PCDHA8: variants seen among roughly 807,000 people sequenced by gnomAD.
PCDHA8 encodes protocadherin alpha-8.
PCDHA8 carries 53 observed loss-of-function variants against 61.8 expected under a neutral mutation model. The observed-to-expected ratio is 0.86, with a 90% CI of 0.69 to 1.08. PCDHA8 has a LOEUF of 1.08. Ranked by LOEUF, PCDHA8 falls within the 50% of genes least tolerant of loss-of-function variation. The pLI, the probability that PCDHA8 is intolerant of heterozygous loss-of-function variation, is 0.00. For synonymous variants in PCDHA8, 618 were observed against 556.6 expected, an observed-to-expected ratio of 1.11 and a Z score of -1.55; for missense variants, 1,293 against 1,245.0, an observed-to-expected ratio of 1.04 and a Z score of -0.58.
chr5:140,848,205 T>C (rs1781374439), intron 1 of PCDHA8: 1 of 336,638 alleles, frequency 3.0e-6, no homozygotes, highest in Non-Finnish European at 5.4e-6. Flanking sequence ...CAACAATCAT[T>C]ACTTAAGAAA....
At chr5:140,850,528 C>T (rs1228882569) in intron 1 of PCDHA8, 1 of 1,598,306 alleles carries the variant, frequency 6.3e-7, no homozygotes, top group African/African-American at 1.3e-5. Context: ...GCGCCAAAGT[C>T]ATCGTCGCGG....
intron 1 of PCDHA8, chr5:140,882,945 T>C (rs1554176195): frequency 6.2e-7 from 1 of 1,614,194 alleles, no homozygotes; most frequent in Non-Finnish European, 8.5e-7. Flanking sequence ...ACTGGCACAG[T>C]TCAGCTGCTC....
intron 1 of PCDHA8, among the ~76,000 whole-genome samples, chr5:140,915,767 C>T (rs1554197085): frequency 6.6e-6 from 1 of 151,976 alleles, no homozygotes; most frequent in Non-Finnish European, 1.5e-5. Context: ...TGGGTCTTGT[C>T]CAAGGCCTGC....
rs142150910 is a variant in PCDHA8, at chr5:140,945,405, C to T, written c.2395-33544C>T. ...AGCAATATACAAATTCAATACAATTCGTATCAAAATTTCAATGAAGTTTTT... is the reference window on the plus strand; with the variant it reads ...AGCAATATACAAATTCAATACAATTTGTATCAAAATTTCAATGAAGTTTTT... On this transcript the variant is annotated intron_variant, in intron 1 of 3. Transcript: ENST00000531613. Among the ~76,000 whole-genome samples, 454 of 152,016 alleles carry T rather than the reference C, an allele frequency of 3.0e-3. 3 individuals are homozygous for T. Among genetic ancestry groups the T allele is most frequent in the African/African-American group, 9.6e-3 (400 of 41,488 alleles).
intron 3 of PCDHA8, among the ~76,000 whole-genome samples, chr5:141,008,176 C>T (rs2098363819): frequency 6.6e-6 from 1 of 152,032 alleles, no homozygotes; most frequent in East Asian, 1.9e-4. Context: ...AAAATGTGAC[C>T]ATTGATTGTG....
At chr5:140,927,412 G>T (rs781968521) in intron 1 of PCDHA8, 1 of 1,614,122 alleles carries the variant, frequency 6.2e-7, no homozygotes, top group East Asian at 2.2e-5. Flanking sequence ...CCTGGACATG[G>T]GATCGCGGGT....
chr5:140,852,121 TA>T, intron 1 of PCDHA8: 1 of 901,518 alleles, frequency 1.1e-6, no homozygotes, highest in Non-Finnish European at 1.4e-6. Context: ...ATGACCTAAT[TA>T]AAAACTCAGT....
At position 140,852,910 on chromosome 5, in the gene PCDHA8, G is replaced by A. The variant is rs2150524838; in HGVS notation, c.2394+9195G>A. On this transcript the variant is annotated intron_variant, in intron 1 of 3. Transcript: ENST00000531613. The stretch of plus-strand genomic sequence containing the variant: ...ATTTTTTTTTTTGAGTCAGAGTCTC[G>A]CTCTGTTGCCCAGGCTGGAGTGCAG... 89 of 797,098 alleles carry A rather than the reference G, an allele frequency of 1.1e-4. 6 individuals carry two copies. Among genetic ancestry groups the A allele is most frequent in the Non-Finnish European group, 1.3e-4 (84 of 645,392 alleles). The allele number at this position is 797,098 out of a possible 1,614,324, so 49.4% of individuals were successfully genotyped here. A position where few individuals can be genotyped will look rare whatever the true frequency, so the allele number is the denominator to read the frequency against.
At position 141,010,020 on chromosome 5, in the gene PCDHA8, TTCCTA is replaced by T. The variant is rs1554262638; in HGVS notation, c.*86_*90del. 6.4e-7 allele frequency: 1 copy of T among 1,572,330 alleles called. No individual in the cohort carries two copies. Among genetic ancestry groups the T allele is most frequent in the Non-Finnish European group, 8.6e-7 (1 of 1,163,268 alleles). On this transcript the variant is annotated 3_prime_UTR_variant, in exon 4 of 4. Coordinates refer to ENST00000531613, the MANE Select transcript of PCDHA8 (RefSeq NM_018911.3). ...CCATGTAGCAATTCCCTGCTCCTTT[TTCCTA>T]TCTACATGAGCCCTCTTAGAGACCT...
At chr5:140,846,541 A>AT (rs1226302144) in intron 1 of PCDHA8, among the ~76,000 whole-genome samples, 1 of 147,480 alleles carries the variant, frequency 6.8e-6, no homozygotes, top group Non-Finnish European at 1.5e-5. Flanking sequence ...TGCCCTGCTA[A>AT]TTTTTTGTAT....
chr5:140,905,368 T>G (rs536118800), intron 1 of PCDHA8, among the ~76,000 whole-genome samples: 47 of 152,336 alleles, frequency 3.1e-4, no homozygotes, highest in Non-Finnish European at 4.6e-4. Flanking sequence ...TATTTCTGGT[T>G]CTCTGTTCTG....
chr5:140,959,835 C>T (rs1554224346), intron 1 of PCDHA8, among the ~76,000 whole-genome samples: 2 of 152,042 alleles, frequency 1.3e-5, no homozygotes, highest in East Asian at 1.9e-4. Flanking sequence ...ATGTATTATG[C>T]CTGTAACTGC....
chr5:140,874,607 T>C (rs534439802), intron 1 of PCDHA8, among the ~76,000 whole-genome samples: 1 of 152,226 alleles, frequency 6.6e-6, no homozygotes, highest in Non-Finnish European at 1.5e-5. Context: ...TTTGGAGGCT[T>C]CAACTAAACA....
chr5:140,870,592 C>A (rs202164332), intron 1 of PCDHA8: 2 of 1,613,554 alleles, frequency 1.2e-6, no homozygotes, highest in African/African-American at 1.3e-5. Context: ...GGTGGAGCGG[C>A]GGTTGGGCGA....
intron 3 of PCDHA8, among the ~76,000 whole-genome samples, chr5:141,008,590 T>G (rs1259352249): frequency 6.6e-6 from 1 of 152,216 alleles, no homozygotes; most frequent in Non-Finnish European, 1.5e-5. Context: ...CAGGGCAGAT[T>G]TCACCTCCTC....
chr5:140,928,998 CGT>C, intron 1 of PCDHA8: 1 of 1,613,902 alleles, frequency 6.2e-7, no homozygotes. Flanking sequence ...TACTTTTCTT[CGT>C]GTGTACCAAG....
chr5:140,943,357 A>G (rs974685573), intron 1 of PCDHA8, among the ~76,000 whole-genome samples: 3 of 152,026 alleles, frequency 2.0e-5, no homozygotes, highest in Non-Finnish European at 4.4e-5. Flanking sequence ...AGTAGAGGAA[A>G]GGAGATCATT....
intron 3 of PCDHA8, among the ~76,000 whole-genome samples, chr5:141,000,387 CTCTCTCTCTATA>C (rs1217065500): frequency 3.9e-4 from 26 of 66,870 alleles, no homozygotes; most frequent in African/African-American, 1.1e-3. Context: ...CTCTCTCTCT[CTCTCTCTCTATA>C]TATATATATA....
chr5:140,898,423 C>T (rs1257208141), intron 1 of PCDHA8, among the ~76,000 whole-genome samples: 1 of 152,106 alleles, frequency 6.6e-6, no homozygotes, highest in African/African-American at 2.4e-5. Flanking sequence ...GCCAGTTTTC[C>T]CAGCACCATT....
Sources: gnomAD v4.1 joint callset for allele counts (sites outside exome capture counted in the v4.1 genomes callset) on GRCh38, gnomAD v4.1.1 for gene constraint, MANE v1.5 for transcripts, NCBI Gene and HGNC (gene_info 2026-07-23, HGNC 2026-07-21) for gene names.